Variants in PPM1H observed in about 807,000 individuals in gnomAD.
PPM1H encodes protein phosphatase 1H.
Under a neutral mutation model 54.9 loss-of-function variants are expected in PPM1H, and 27 were observed. The observed-to-expected ratio is 0.49, with a 90% CI of 0.36 to 0.68. PPM1H has a LOEUF of 0.68. Ranked by LOEUF, PPM1H falls within the 30% of genes least tolerant of loss-of-function variation. PPM1H has a pLI of 0.00. For synonymous variants in PPM1H, 305 were observed against 270.8 expected (o/e 1.13, Z -1.24); for missense variants, 596 against 667.8 (o/e 0.89, Z 1.19).
At chr12:62,895,520 G>C (rs190907597) in intron 1 of PPM1H, among the ~76,000 whole-genome samples, 2 of 152,270 alleles carry the variant, frequency 1.3e-5, no homozygotes, top group East Asian at 3.9e-4. Flanking sequence ...GCTACGGTTT[G>C]CATAGGGTTT....
intron 6 of PPM1H, among the ~76,000 whole-genome samples, chr12:62,702,899 T>C (rs1452863220): frequency 2.0e-5 from 3 of 152,230 alleles, no homozygotes; most frequent in Non-Finnish European, 4.4e-5. Flanking sequence ...TCAGAGGTTC[T>C]GAAGTCACAT....
intron 7 of PPM1H, among the ~76,000 whole-genome samples, chr12:62,692,169 C>G (rs2076086812): frequency 6.6e-6 from 1 of 152,134 alleles, no homozygotes; most frequent in Non-Finnish European, 1.5e-5. Context: ...AGTCCAGGAT[C>G]TAGAAGGAGC....
chr12:62,698,544 G>T (rs758474284), intron 6 of PPM1H, among the ~76,000 whole-genome samples: 24 of 152,116 alleles, frequency 1.6e-4, no homozygotes, highest in Non-Finnish European at 3.1e-4. Flanking sequence ...TGAATACTGT[G>T]GTGGTGGCCC....
Position 62,647,040 on chromosome 12 carries a change from G to A in PPM1H, c.*1449C>T, listed in dbSNP as rs2075789690. 1 of 152,196 alleles carries A rather than the reference G, an allele frequency of 6.6e-6. No homozygotes were observed. Among genetic ancestry groups the A allele is most frequent in the Non-Finnish European group, 1.5e-5 (1 of 68,044 alleles). The allele number at this position is 152,196 out of a possible 1,614,324, so 9.4% of individuals were successfully genotyped here. On this transcript the variant is annotated 3_prime_UTR_variant, in exon 10 of 10. Transcript: ENST00000228705. Reference sequence around the variant, plus strand: ...ATGGTGGCAATACCTCAGTAGCTCAGCAGGAAGAAGACTAGGTAATTTTGT... The same window carrying A: ...ATGGTGGCAATACCTCAGTAGCTCAACAGGAAGAAGACTAGGTAATTTTGT...
intron 4 of PPM1H, among the ~76,000 whole-genome samples, chr12:62,771,765 T>C (rs1016162570): frequency 6.6e-6 from 1 of 152,208 alleles, no homozygotes; most frequent in Non-Finnish European, 1.5e-5. Flanking sequence ...ACACATAATG[T>C]TTAATGCTTT....
At chr12:62,751,937 T>C (rs2076444522) in intron 4 of PPM1H, among the ~76,000 whole-genome samples, 1 of 152,226 alleles carries the variant, frequency 6.6e-6, no homozygotes, top group African/African-American at 2.4e-5. Flanking sequence ...GCCCTACCTG[T>C]AAGGCCTCTC....
intron 4 of PPM1H, among the ~76,000 whole-genome samples, chr12:62,783,527 C>T (rs545544358): frequency 7.9e-5 from 12 of 152,338 alleles, no homozygotes; most frequent in East Asian, 5.8e-4. Flanking sequence ...CAGTCTTGGG[C>T]GGGTGGTGTC....
chr12:62,925,110 A>G (rs71465172), intron 1 of PPM1H, among the ~76,000 whole-genome samples: 7,307 of 152,300 alleles, frequency 0.048, 223 homozygotes, highest in Middle Eastern at 0.092. Flanking sequence ...AAATAGATGA[A>G]TATCAAATTA....
chr12:62,681,890 A>C lies in PPM1H; in HGVS notation c.1245+7809T>G, dbSNP rs531919462. 1.2e-4 allele frequency among the ~76,000 whole-genome samples: 18 copies of C among 152,312 alleles called. No individual in the cohort carries two copies. In the South Asian group the frequency reaches 3.7e-3, roughly 32 times the overall value. On this transcript the variant is annotated intron_variant, in intron 8 of 9. Transcript: ENST00000228705. ...GTAGGAAGAAGAGCTAGGAACTAAT[A>C]TTTATTATGCCAGGTTTTTTGTTAA...
At chr12:62,824,156 A>T (rs1448514428) in intron 2 of PPM1H, among the ~76,000 whole-genome samples, 13 of 152,148 alleles carry the variant, frequency 8.5e-5, no homozygotes, top group South Asian at 8.3e-4. Context: ...CACAATTGCT[A>T]CAAAGAGAAT....
intron 2 of PPM1H, among the ~76,000 whole-genome samples, chr12:62,829,008 G>A (rs995575867): frequency 1.3e-5 from 2 of 152,104 alleles, no homozygotes; most frequent in East Asian, 3.9e-4. Flanking sequence ...TGGTAGGAAC[G>A]TAAAATGGAG....
At chr12:62,722,305 G>T (rs2076268198) in intron 5 of PPM1H, among the ~76,000 whole-genome samples, 1 of 152,130 alleles carries the variant, frequency 6.6e-6, no homozygotes, top group South Asian at 2.1e-4. Flanking sequence ...GGGCTTAGGG[G>T]TTACCATGTG....
At chr12:62,666,130 T>C (rs1341477295) in intron 9 of PPM1H, among the ~76,000 whole-genome samples, 1 of 152,050 alleles carries the variant, frequency 6.6e-6, no homozygotes, top group Admixed American at 6.6e-5. Context: ...CAGGCTGGAG[T>C]GCAGTGGCGC....
intron 4 of PPM1H, among the ~76,000 whole-genome samples, chr12:62,765,528 C>T (rs1431984362): frequency 3.3e-5 from 5 of 152,188 alleles, no homozygotes; most frequent in African/African-American, 1.2e-4. Flanking sequence ...AATTTTTCAA[C>T]ACCTAAGCAG....
chr12:62,817,234 G>A (rs1248639479), intron 2 of PPM1H, among the ~76,000 whole-genome samples: 29 of 148,896 alleles, frequency 1.9e-4, no homozygotes, highest in Admixed American at 1.1e-3. Flanking sequence ...AGGCTGAGGC[G>A]GGCAGATCAT....
intron 4 of PPM1H, among the ~76,000 whole-genome samples, chr12:62,764,944 AGTTAG>A (rs1398735006): frequency 1.3e-5 from 2 of 152,216 alleles, no homozygotes; most frequent in African/African-American, 4.8e-5. Context: ...CGTGCCGCTT[AGTTAG>A]GAAGAGGACA....
chr12:62,780,779 A>G (rs1004301694), intron 4 of PPM1H, among the ~76,000 whole-genome samples: 5 of 152,208 alleles, frequency 3.3e-5, no homozygotes, highest in African/African-American at 1.2e-4. Context: ...CTGGAAATCT[A>G]TCCTGGTGTG....
chr12:62,791,475 T>C (rs1209246609), intron 3 of PPM1H, among the ~76,000 whole-genome samples: 1 of 152,204 alleles, frequency 6.6e-6, no homozygotes, highest in Non-Finnish European at 1.5e-5. Context: ...GATACTATGA[T>C]AGATACATAT....
intron 2 of PPM1H, among the ~76,000 whole-genome samples, chr12:62,831,345 T>G (rs1952979448): frequency 6.6e-6 from 1 of 152,122 alleles, no homozygotes; most frequent in Non-Finnish European, 1.5e-5. Flanking sequence ...AGACAGAGTG[T>G]CAATGACTCC....
Sources: allele counts gnomAD v4.1 joint callset (sites outside exome capture counted in the v4.1 genomes callset), GRCh38; gene constraint gnomAD v4.1.1; transcripts MANE v1.5; gene names NCBI Gene and HGNC (gene_info 2026-07-23, HGNC 2026-07-21).